The following FAM185A variants were observed in gnomAD, a reference collection of about 807,000 sequenced individuals.
FAM185A encodes protein FAM185A.
In FAM185A, 21 loss-of-function variants were observed where a neutral mutation model predicts 45.7. The observed-to-expected ratio is 0.46, with a 90% CI of 0.33 to 0.66. The LOEUF is 0.66. Among genes scored for constraint, FAM185A ranks in the 30% least tolerant of loss-of-function variants. The pLI, the probability that FAM185A is intolerant of heterozygous loss-of-function variation, is 0.03. For missense variants in FAM185A, 305 were observed against 485.4 expected (o/e 0.63, Z 3.49); for synonymous variants, 117 against 194.0 (o/e 0.60, Z 3.30).
downstream of FAM185A, among the ~76,000 whole-genome samples, chr7:102,812,904 G>A (rs1460446396): frequency 2.7e-5 from 4 of 146,886 alleles, no homozygotes; most frequent in South Asian, 2.1e-4. Flanking sequence ...ATGCAGTGAC[G>A]TGATCTAGGC....
intron 4 of FAM185A, among the ~76,000 whole-genome samples, chr7:102,767,048 G>A (rs910105506): frequency 1.5e-4 from 23 of 151,838 alleles, no homozygotes; most frequent in South Asian, 8.3e-4. Context: ...CGCACGCCTC[G>A]GCCTCCCAAA....
intron 3 of FAM185A, among the ~76,000 whole-genome samples, chr7:102,758,315 TC>T (rs1418877776): frequency 6.6e-6 from 1 of 152,004 alleles, no homozygotes; most frequent in Non-Finnish European, 1.5e-5. Context: ...TTGAGTATTT[TC>T]TAAGACCTTT....
chr7:102,801,909 G>A (rs1313355968), intron 7 of FAM185A, among the ~76,000 whole-genome samples: 2 of 144,112 alleles, frequency 1.4e-5, no homozygotes, highest in African/African-American at 5.4e-5. Flanking sequence ...GCCACAGAGG[G>A]AGACTACGTC....
chr7:102,757,780 T>C (rs1793844607), intron 2 of FAM185A, 74 bp from the exon 3 acceptor site: 2 of 1,236,448 alleles, frequency 1.6e-6, no homozygotes, highest in South Asian at 2.9e-5. Context: ...TACAGAAATA[T>C]TGAAAATGTT....
chr7:102,750,323 C>T (rs1793285694), intron 1 of FAM185A, among the ~76,000 whole-genome samples: 1 of 152,144 alleles, frequency 6.6e-6, no homozygotes, highest in African/African-American at 2.4e-5. Flanking sequence ...TGTCATTCTT[C>T]CTGGGACTGA....
At chr7:102,755,201 T>A in intron 2 of FAM185A, 1 of 430,716 alleles carries the variant, frequency 2.3e-6, no homozygotes, top group Non-Finnish European at 4.1e-6. Flanking sequence ...CCTGCTTTTG[T>A]GAAGAAGCAG....
the FAM185A span, among the ~76,000 whole-genome samples, chr7:102,842,408 T>G: frequency 6.6e-6 from 1 of 152,356 alleles, no homozygotes; most frequent in Admixed American, 6.5e-5. Flanking sequence ...TAATCCATCT[T>G]TGGCATTACA....
intron 7 of FAM185A, among the ~76,000 whole-genome samples, chr7:102,791,341 A>G (rs1443290658): frequency 6.6e-6 from 1 of 152,162 alleles, no homozygotes; most frequent in Non-Finnish European, 1.5e-5. Context: ...ATTCAGCAGA[A>G]GGAGTACAGG....
At chr7:102,819,462 C>T in the FAM185A span, among the ~76,000 whole-genome samples, 1 of 152,246 alleles carries the variant, frequency 6.6e-6, no homozygotes, top group East Asian at 1.9e-4. Flanking sequence ...TTTGCTACTC[C>T]TCTGGTTCAG....
chr7:102,844,244 A>G, the FAM185A span, among the ~76,000 whole-genome samples: 2 of 152,254 alleles, frequency 1.3e-5, no homozygotes, highest in African/African-American at 2.4e-5. Flanking sequence ...GTTAATAAAA[A>G]TAAGAGGGAG....
chr7:102,837,338 C>T, the FAM185A span, among the ~76,000 whole-genome samples: 2 of 152,202 alleles, frequency 1.3e-5, no homozygotes, highest in African/African-American at 4.8e-5. Context: ...CTCAGAGAAG[C>T]TCCCTGTTTT....
the FAM185A span, among the ~76,000 whole-genome samples, chr7:102,847,664 C>T: frequency 6.6e-6 from 1 of 151,882 alleles, no homozygotes; most frequent in Non-Finnish European, 1.5e-5. Flanking sequence ...GTAGCTGGGA[C>T]TAGAGGTGTG....
chr7:102,849,532 C>G, the FAM185A span, among the ~76,000 whole-genome samples: 5 of 152,208 alleles, frequency 3.3e-5, no homozygotes, highest in African/African-American at 1.2e-4. Context: ...AACAGAATCT[C>G]TCCTATAGTT....
chr7:102,763,054 G>A (rs1168321509), intron 4 of FAM185A, among the ~76,000 whole-genome samples: 1 of 140,004 alleles, frequency 7.1e-6, no homozygotes, highest in African/African-American at 2.7e-5. Flanking sequence ...AAAGCAGTCT[G>A]TTCTCTGCAA....
intron 6 of FAM185A, among the ~76,000 whole-genome samples, chr7:102,782,500 G>A (rs7787219): frequency 0.015 from 2,247 of 152,168 alleles, 43 homozygotes; most frequent in African/African-American, 0.052. Flanking sequence ...AATATTCAAC[G>A]TTCTTAAAGA....
At chr7:102,826,951 T>C in the FAM185A span, 1 of 297,826 alleles carries the variant, frequency 3.4e-6, no homozygotes, top group African/African-American at 2.1e-5. Flanking sequence ...TCTATCGTAT[T>C]ATTTTCATTT....
At chr7:102,762,592 G>A (rs1253648736) in intron 4 of FAM185A, among the ~76,000 whole-genome samples, 36 of 152,168 alleles carry the variant, frequency 2.4e-4, no homozygotes, top group Admixed American at 1.6e-3. Flanking sequence ...GATTTTAGTT[G>A]TGAGCAAGAG....
At chr7:102,790,591 A>T (rs1172181439) in intron 7 of FAM185A, among the ~76,000 whole-genome samples, 5 of 152,226 alleles carry the variant, frequency 3.3e-5, no homozygotes, top group Non-Finnish European at 7.3e-5. Flanking sequence ...TTATAAGCTA[A>T]AGCTATTTTG....
downstream of FAM185A, among the ~76,000 whole-genome samples, chr7:102,810,669 T>C (rs769741839): frequency 4.6e-5 from 7 of 152,182 alleles, no homozygotes; most frequent in East Asian, 1.9e-4. Context: ...TCATAGCTCA[T>C]TGAAGCCTTA....
Sources: allele counts gnomAD v4.1 joint callset (sites outside exome capture counted in the v4.1 genomes callset), GRCh38; gene constraint gnomAD v4.1.1; transcripts MANE v1.5; gene names NCBI Gene and HGNC (gene_info 2026-07-23, HGNC 2026-07-21).